The following FSTL4 variants were observed in gnomAD, a reference collection of about 807,000 sequenced individuals.
FSTL4 encodes the protein follistatin like 4, also known as follistatin-related protein 4.
A neutral mutation model predicts 78.2 loss-of-function variants in FSTL4; 28 were observed. The observed-to-expected ratio is 0.36, with a 90% CI of 0.27 to 0.49. The LOEUF is 0.49. Ranked by LOEUF, FSTL4 falls within the 20% of genes least tolerant of loss-of-function variation. The pLI is 0.98. For synonymous variants in FSTL4, 422 were observed against 440.5 expected (o/e 0.96, Z 0.53); for missense variants, 922 against 1,084.9 (o/e 0.85, Z 2.11).
At chr5:133,675,123 A>G in the FSTL4 span, among the ~76,000 whole-genome samples, 2 of 152,074 alleles carry the variant, frequency 1.3e-5, no homozygotes, top group Non-Finnish European at 2.9e-5. Flanking sequence ...GGGGCTCATG[A>G]AGGCCTCTCC....
At chr5:133,480,089 G>A (rs1045726953) in intron 3 of FSTL4, among the ~76,000 whole-genome samples, 10 of 152,218 alleles carry the variant, frequency 6.6e-5, no homozygotes, top group Non-Finnish European at 1.0e-4. Flanking sequence ...AAGGGAGAAA[G>A]GCAGATGTGG....
the FSTL4 span, among the ~76,000 whole-genome samples, chr5:133,642,341 G>A: frequency 6.6e-5 from 10 of 152,186 alleles, no homozygotes; most frequent in African/African-American, 2.2e-4. Context: ...CAGCACTGGG[G>A]TTTTCTCATC....
chr5:133,644,349 G>C, the FSTL4 span, among the ~76,000 whole-genome samples: 1 of 151,994 alleles, frequency 6.6e-6, no homozygotes, highest in Non-Finnish European at 1.5e-5. Flanking sequence ...GGCAGGGGCA[G>C]GAACTGAACC....
chr5:133,373,171 A>G lies in FSTL4; in HGVS notation c.409+27567T>C, dbSNP rs1050482859. 5.3e-5 allele frequency among the ~76,000 whole-genome samples: 8 copies of G among 152,332 alleles called. No individual in the cohort carries two copies. The East Asian group carries it at 9.7e-4, about 18-fold the overall frequency. On this transcript the variant is annotated intron_variant, in intron 4 of 15. Transcript: ENST00000265342. The stretch of plus-strand genomic sequence containing the variant: ...ATTTTCATAGTTGTCTAAATCACCT[A>G]TTTGGTGCTATTCTGTTAAGGAAGC...
At chr5:133,622,402 G>A in the FSTL4 span, among the ~76,000 whole-genome samples, 1 of 152,090 alleles carries the variant, frequency 6.6e-6, no homozygotes, top group Non-Finnish European at 1.5e-5. Context: ...ATGCCCATGA[G>A]TACAATTGTT....
rs112397163 is a variant in FSTL4, at chr5:133,445,432, T to A, written c.161-44446A>T. On this transcript the variant is annotated intron_variant, in intron 3 of 15. Coordinates refer to ENST00000265342, the MANE Select transcript of FSTL4 (RefSeq NM_015082.2). ...GCGGGGCAGCACAGGCCAGGGAGTG[T>A]GGGTCTGGCCTCGTCTGGGTCACCT... 6.3e-3 allele frequency among the ~76,000 whole-genome samples: 963 copies of A among 151,978 alleles called. 2 individuals are homozygous for A. Among genetic ancestry groups the A allele is most frequent in the Non-Finnish European group, 0.01 (682 of 67,976 alleles).
At chr5:133,739,372 C>T in the FSTL4 span, among the ~76,000 whole-genome samples, 2 of 151,400 alleles carry the variant, frequency 1.3e-5, no homozygotes, top group Non-Finnish European at 1.5e-5. Flanking sequence ...GGAGGCACCA[C>T]GTAGGGAGTC....
intron 2 of FSTL4, among the ~76,000 whole-genome samples, chr5:133,570,195 A>G (rs1485326130): frequency 6.6e-6 from 1 of 151,736 alleles, no homozygotes; most frequent in Non-Finnish European, 1.5e-5. Flanking sequence ...GGAGACAGCG[A>G]GACTCCGTCT....
At chr5:133,526,511 C>G (rs531443212) in intron 3 of FSTL4, among the ~76,000 whole-genome samples, 1 of 152,080 alleles carries the variant, frequency 6.6e-6, no homozygotes, top group African/African-American at 2.4e-5. Flanking sequence ...GGATCCCCCA[C>G]GGATGGTCTT....
intron 6 of FSTL4, among the ~76,000 whole-genome samples, chr5:133,277,481 A>G (rs1203396216): frequency 1.3e-5 from 2 of 152,212 alleles, no homozygotes; most frequent in Non-Finnish European, 2.9e-5. Context: ...TGAGCTGTGC[A>G]CTTTTCTATG....
At chr5:133,565,261 C>T (rs1262004304) in intron 3 of FSTL4, among the ~76,000 whole-genome samples, 1 of 152,170 alleles carries the variant, frequency 6.6e-6, no homozygotes, top group Admixed American at 6.5e-5. Context: ...TACTGAAGCA[C>T]CATAGTGCTT....
rs757898310 is a variant in FSTL4, at chr5:133,199,424, T to C, written c.2200A>G (p.Ile734Val). The C allele has an allele frequency of 1.4e-5, 22 of 1,614,094 alleles. No homozygotes were observed. In the East Asian group the frequency reaches 4.7e-4, roughly 34 times the overall value. ...TLYDLQINSG[I>V]SDLAFQRSFT... ...GAGCGCTGGAAGGCCAAGTCTGAGATGCCCGAGTTTATTTGCAGGTCATAC... is the reference window on the plus strand; with the variant it reads ...GAGCGCTGGAAGGCCAAGTCTGAGACGCCCGAGTTTATTTGCAGGTCATAC... The change falls in exon 16 of 16, where the codon ATC (isoleucine) becomes GTC (valine). Residue 734 changes from isoleucine (I) to valine (V), a missense_variant. By Grantham distance (29) the Ile-to-Val change is conservative (BLOSUM62 3). Transcript: ENST00000265342. The surrounding 1 kb of genome is among the most constrained non-coding windows in gnomAD (Gnocchi z 4.4).
rs150775527 is a variant in FSTL4, at chr5:133,270,681, A to G, written c.728-21105T>C. ...TTTCTGCCCTGCAAGAAAGTGAGGA[A>G]TGAGATCTGCTGAGGTGAGGGTCTG... On this transcript the variant is annotated intron_variant, in intron 6 of 15. Coordinates refer to ENST00000265342, the MANE Select transcript of FSTL4 (RefSeq NM_015082.2). Among the ~76,000 whole-genome samples the G allele has an allele frequency of 2.6e-5, 4 of 152,254 alleles. No homozygotes were observed. In the East Asian group the frequency reaches 7.7e-4, roughly 29 times the overall value.
At chr5:133,813,136 G>A in the FSTL4 span, among the ~76,000 whole-genome samples, 1 of 150,552 alleles carries the variant, frequency 6.6e-6, no homozygotes, top group African/African-American at 2.5e-5. Flanking sequence ...CTGTCCAATG[G>A]AGGAGAGTCC....
At chr5:133,719,407 C>A in the FSTL4 span, among the ~76,000 whole-genome samples, 1 of 152,074 alleles carries the variant, frequency 6.6e-6, no homozygotes, top group Non-Finnish European at 1.5e-5. Flanking sequence ...CGATGGCTCA[C>A]ACCTGCAATC....
At chr5:133,364,454 GGCCTCTTACACCT>G (rs1214894682) in intron 4 of FSTL4, among the ~76,000 whole-genome samples, 1 of 152,190 alleles carries the variant, frequency 6.6e-6, no homozygotes, top group African/African-American at 2.4e-5. Context: ...CCATGCCAGG[GGCCTCTTACACCT>G]GCTGAGCCCT....
chr5:133,331,793 G>A (rs563973702), intron 4 of FSTL4, among the ~76,000 whole-genome samples: 5 of 152,202 alleles, frequency 3.3e-5, no homozygotes, highest in East Asian at 3.9e-4. Context: ...CAGCCATTTC[G>A]GGAGATCTTT....
At chr5:133,204,172 G>A (rs920148970) in intron 14 of FSTL4, among the ~76,000 whole-genome samples, 2 of 152,218 alleles carry the variant, frequency 1.3e-5, no homozygotes, top group African/African-American at 4.8e-5. Context: ...GTATCCAGAG[G>A]ACAGGCTGGG....
At chr5:133,707,061 G>A in the FSTL4 span, among the ~76,000 whole-genome samples, 60 of 152,304 alleles carry the variant, frequency 3.9e-4, 1 homozygote, top group African/African-American at 1.2e-3. Context: ...TCTAAGGCTT[G>A]GGTGAGTTTC....
Sources: gnomAD v4.1 joint callset for allele counts (sites outside exome capture counted in the v4.1 genomes callset) on GRCh38, gnomAD v4.1.1 for gene constraint, Gnocchi (gnomAD v3.1) non-coding constraint, MANE v1.5 for transcripts, NCBI Gene and HGNC (gene_info 2026-07-23, HGNC 2026-07-21) for gene names.